TENM2: variants seen among roughly 807,000 people sequenced by gnomAD.
TENM2 encodes teneurin-2.
In TENM2, 52 loss-of-function variants were observed where a neutral mutation model predicts 245.2. That is an observed-to-expected ratio of 0.21 (90% confidence interval 0.17 to 0.27). The LOEUF (loss-of-function observed/expected upper bound fraction) is 0.27, where lower values mean the gene tolerates loss of function less well. Among genes scored for constraint, TENM2 ranks in the 10% least tolerant of loss-of-function variants. The probability of loss-of-function intolerance (pLI) is 1.00; values close to 1 mark genes in which losing one functional copy is unlikely to be tolerated. For missense variants in TENM2, 3,046 were observed against 3,666.8 expected (o/e 0.83, Z 4.37); for synonymous variants, 1,363 against 1,438.9 (o/e 0.95, Z 1.19).
At chr5:167,847,669 T>C (rs1770173377) in intron 2 of TENM2, among the ~76,000 whole-genome samples, 1 of 152,240 alleles carries the variant, frequency 6.6e-6, no homozygotes, top group Non-Finnish European at 1.5e-5. Context: ...ACACCTTCAA[T>C]ACAGATGTTC....
At chr5:167,506,117 C>T (rs181614167) in intron 2 of TENM2, among the ~76,000 whole-genome samples, 114 of 152,252 alleles carry the variant, frequency 7.5e-4, no homozygotes, top group Non-Finnish European at 1.4e-3. Context: ...GAAACAACAG[C>T]ATGGCAGTGG....
intron 25 of TENM2, among the ~76,000 whole-genome samples, chr5:168,237,043 C>T (rs535097276): frequency 2.4e-5 from 2 of 83,954 alleles, no homozygotes; most frequent in Non-Finnish European, 4.5e-5. Context: ...TGAGACAGAG[C>T]CTTGCCCTGT....
At chr5:167,372,678 T>C (rs572011981) in intron 1 of TENM2, among the ~76,000 whole-genome samples, 56 of 152,362 alleles carry the variant, frequency 3.7e-4, no homozygotes, top group African/African-American at 1.2e-3. Context: ...TGGGTTTTCA[T>C]TTATTGTGGG....
At chr5:167,314,300 A>G (rs189251034) in intron 1 of TENM2, among the ~76,000 whole-genome samples, 1 of 152,306 alleles carries the variant, frequency 6.6e-6, no homozygotes, top group East Asian at 1.9e-4. Flanking sequence ...CATTATCACT[A>G]TCATCTGCTT....
chr5:167,934,925 G>A (rs1778581184), intron 3 of TENM2: 22 of 985,432 alleles, frequency 2.2e-5, no homozygotes, highest in Non-Finnish European at 2.7e-5. Flanking sequence ...GTCCAGGTAG[G>A]CAGAAGGATG....
chr5:168,014,588 C>A lies in TENM2; in HGVS notation c.1186+21406C>A, dbSNP rs567914304. Among the ~76,000 whole-genome samples, 3 of 152,272 alleles carry A rather than the reference C, an allele frequency of 2.0e-5. No homozygotes were observed. In the East Asian group the frequency reaches 5.8e-4, roughly 29 times the overall value. ...GGCTTTCTTTGCTGCCTTAGAAACG[C>A]AAATAAAACACTTCATTCTGCACTA... On this transcript the variant is annotated intron_variant, in intron 5 of 28. Transcript: ENST00000518659.
At chr5:167,184,030 T>C in the TENM2 span, among the ~76,000 whole-genome samples, 1 of 152,318 alleles carries the variant, frequency 6.6e-6, no homozygotes, top group Admixed American at 6.5e-5. Context: ...AAAACATACG[T>C]TATTTTTAGA....
the TENM2 span, among the ~76,000 whole-genome samples, chr5:166,982,308 C>T: frequency 6.6e-6 from 1 of 152,012 alleles, no homozygotes; most frequent in East Asian, 1.9e-4. Flanking sequence ...ATGTGTGAAT[C>T]CTTTATTATG....
At chr5:167,181,977 A>G in the TENM2 span, among the ~76,000 whole-genome samples, 26 of 152,202 alleles carry the variant, frequency 1.7e-4, no homozygotes, top group Admixed American at 1.7e-3. Flanking sequence ...AGGCAAATAC[A>G]TTTATAAATA....
At chr5:168,122,732 GT>G (rs199538517) in intron 10 of TENM2, among the ~76,000 whole-genome samples, 1,581 of 152,032 alleles carry the variant, frequency 0.01, 16 homozygotes, top group Non-Finnish European at 0.016. Context: ...TTTAATCACT[GT>G]TTTTTCCCCA....
chr5:168,086,796 A>G (rs181658585), intron 7 of TENM2, among the ~76,000 whole-genome samples: 64 of 152,340 alleles, frequency 4.2e-4, no homozygotes, highest in African/African-American at 1.4e-3. Flanking sequence ...GATGTCCCCA[A>G]TACTAAGCCT....
chr5:167,383,608 G>A (rs1037369874), intron 2 of TENM2, among the ~76,000 whole-genome samples: 1 of 151,802 alleles, frequency 6.6e-6, no homozygotes, highest in African/African-American at 2.4e-5. Context: ...GCATCCAGCA[G>A]GGCCTAATCA....
intron 6 of TENM2, among the ~76,000 whole-genome samples, chr5:168,048,237 T>A (rs1462399728): frequency 1.6e-4 from 4 of 25,690 alleles, no homozygotes; most frequent in African/African-American, 1.6e-4. Context: ...AGGGTGGGGG[T>A]GGGGGAGACT....
At chr5:167,290,298 A>T (rs1754557853) in intron 1 of TENM2, among the ~76,000 whole-genome samples, 1 of 152,214 alleles carries the variant, frequency 6.6e-6, no homozygotes, top group South Asian at 2.1e-4. Flanking sequence ...ATCAAATTCT[A>T]GAACACAGAC....
chr5:168,030,949 A>G (rs1312602097), intron 5 of TENM2, among the ~76,000 whole-genome samples: 1 of 152,196 alleles, frequency 6.6e-6, no homozygotes, highest in Non-Finnish European at 1.5e-5. Flanking sequence ...CCCTGTTTTT[A>G]CTGAGACTCT....
intron 3 of TENM2, among the ~76,000 whole-genome samples, chr5:167,944,234 C>T (rs547336836): frequency 7.9e-5 from 12 of 152,262 alleles, no homozygotes; most frequent in African/African-American, 2.6e-4. Context: ...ACTTGGCACC[C>T]AGTTCGAGTC....
At chr5:168,007,675 C>T (rs931364136) in intron 5 of TENM2, among the ~76,000 whole-genome samples, 38 of 152,306 alleles carry the variant, frequency 2.5e-4, no homozygotes, top group South Asian at 6.2e-4. Flanking sequence ...CACACTGAAA[C>T]GAACGACTCA....
intron 7 of TENM2, among the ~76,000 whole-genome samples, chr5:168,076,675 C>T (rs1285370631): frequency 6.6e-6 from 1 of 152,210 alleles, no homozygotes; most frequent in Non-Finnish European, 1.5e-5. Context: ...ATGGTGGTTG[C>T]TCAATATTTG....
chr5:167,712,098 A>G (rs1561696839), intron 2 of TENM2, among the ~76,000 whole-genome samples: 1 of 152,090 alleles, frequency 6.6e-6, no homozygotes, highest in African/African-American at 2.4e-5. Context: ...ATCTCAGGAC[A>G]GGATGAAGTA....
Sources: gnomAD v4.1 joint callset for allele counts (sites outside exome capture counted in the v4.1 genomes callset) on GRCh38, gnomAD v4.1.1 for gene constraint, MANE v1.5 for transcripts, NCBI Gene and HGNC (gene_info 2026-07-23, HGNC 2026-07-21) for gene names.